ZZZ3: variants seen among roughly 807,000 people sequenced by gnomAD.
ZZZ3 encodes the protein ZZ-type zinc finger-containing protein 3.
ZZZ3 carries 22 observed loss-of-function variants against 95.2 expected under a neutral mutation model. That is an observed-to-expected ratio of 0.23 (90% confidence interval 0.17 to 0.33). The LOEUF (loss-of-function observed/expected upper bound fraction) is 0.33, where lower values mean the gene tolerates loss of function less well. Among genes scored for constraint, ZZZ3 ranks in the 10% least tolerant of loss-of-function variants. The pLI, the probability that ZZZ3 is intolerant of heterozygous loss-of-function variation, is 1.00. For missense variants in ZZZ3, 885 were observed against 1,066.5 expected (o/e 0.83, Z 2.37); for synonymous variants, 335 against 358.9 (o/e 0.93, Z 0.75).
chr1:77,641,950 A>G (rs1175712995), intron 1 of ZZZ3, among the ~76,000 whole-genome samples: 1 of 152,154 alleles, frequency 6.6e-6, no homozygotes. Context: ...TACCACCAAT[A>G]TAGACATATG....
chr1:77,630,833 T>C (rs544311382), intron 5 of ZZZ3, among the ~76,000 whole-genome samples: 3 of 152,334 alleles, frequency 2.0e-5, no homozygotes, highest in African/African-American at 7.2e-5. Context: ...GATTTGATAC[T>C]TTGATCTGAC....
In ZZZ3 at chr1:77,565,722, G is replaced by A; in HGVS notation, c.2630C>T (p.Thr877Ile). 6.2e-7 allele frequency: 1 copy of A among 1,613,644 alleles called. No homozygotes were observed. The highest frequency in any genetic ancestry group is 1.3e-5 in the African/African-American group (1 of 75,020). ...CACACAGTAGTCTCTGTCTAAGAATGTCTCTGACCTATAAATAGGTTCTAA... is the reference window on the plus strand; with the variant it reads ...CACACAGTAGTCTCTGTCTAAGAATATCTCTGACCTATAAATAGGTTCTAA... ...HQLEPIYRSE[T>I]FLDRDYCVSQ... Residue 877 changes from threonine to isoleucine, a missense_variant, in exon 15 of 15, where the codon ACA becomes ATA. Thr to Ile is a moderately conservative substitution (Grantham distance 89). Around this residue, in one of 5 missense-constraint regions of ZZZ3, gnomAD observed 221 missense variants for 247.8 expected, o/e 0.89. Coordinates refer to ENST00000370801, the MANE Select transcript of ZZZ3 (RefSeq NM_015534.6).
intron 5 of ZZZ3, among the ~76,000 whole-genome samples, chr1:77,618,764 G>T (rs1666577729): frequency 6.6e-6 from 1 of 152,164 alleles, no homozygotes; most frequent in African/African-American, 2.4e-5. Context: ...ATAGCTTAAA[G>T]AAGTTATTTA....
chr1:77,632,689 C>T lies in ZZZ3; in HGVS notation c.666G>A (p.Gly222=), dbSNP rs917599319. 6.2e-7 allele frequency: 1 copy of T among 1,614,022 alleles called. No homozygotes were observed. Among genetic ancestry groups the T allele is most frequent in the African/African-American group, 1.3e-5 (1 of 74,912 alleles). ...VINCDDCQPD[G]NTKQNSIGSY... ...AACCAATGCTATTTTGTTTAGTGTTCCCATCAGGCTGACAGTCATCACAGT... is the reference window on the plus strand; with the variant it reads ...AACCAATGCTATTTTGTTTAGTGTTTCCATCAGGCTGACAGTCATCACAGT... The change falls in exon 5 of 15, where the codon GGG becomes GGA. Residue 222 remains glycine (G), a synonymous_variant. Coordinates refer to ENST00000370801, the MANE Select transcript of ZZZ3 (RefSeq NM_015534.6).
chr1:77,605,488 G>A (rs968825554), intron 5 of ZZZ3, among the ~76,000 whole-genome samples: 4 of 152,134 alleles, frequency 2.6e-5, no homozygotes, highest in Non-Finnish European at 5.9e-5. Flanking sequence ...GACATGGGGG[G>A]CATGTGACCT....
chr1:77,651,700 C>T (rs1669822716), intron 1 of ZZZ3, among the ~76,000 whole-genome samples: 1 of 152,054 alleles, frequency 6.6e-6, no homozygotes, highest in African/African-American at 2.4e-5. Flanking sequence ...ATATTTAATG[C>T]CACTAAACTG....
intron 4 of ZZZ3, among the ~76,000 whole-genome samples, chr1:77,635,000 T>G (rs1668169065): frequency 6.6e-6 from 1 of 152,078 alleles, no homozygotes; most frequent in Non-Finnish European, 1.5e-5. Context: ...TCATCAACAG[T>G]CTCCCTTCTC....
chr1:77,568,328 T>TTAC lies in ZZZ3; in HGVS notation c.2466+1_2466+3dup. On this transcript the variant is annotated splice_donor_region_variant and intron_variant, in intron 13 of 14. Coordinates refer to ENST00000370801, the MANE Select transcript of ZZZ3 (RefSeq NM_015534.6). ...AATGAATCCTAAAATTAAATAGAAC[T>TTAC]TACCTTAAAGCCCACATGTTGCACA... The TTAC allele has an allele frequency of 1.9e-6, 3 of 1,574,092 alleles. No individual in the cohort carries two copies. The highest frequency in any genetic ancestry group is 2.6e-6 in the Non-Finnish European group (3 of 1,165,826).
rs193140998 is a variant in ZZZ3, at chr1:77,633,413, A to G, written c.-51-8T>C. ...ATCCACTCATTGGGAAACCTTCAAA[A>G]ATGTAAACAAAATAATGAGAAAAAG... On this transcript the variant is annotated splice_polypyrimidine_tract_variant and splice_region_variant and intron_variant, in intron 4 of 14. Transcript: ENST00000370801. The G allele has an allele frequency of 6.6e-7, 1 of 1,506,546 alleles. No individual in the cohort carries two copies. The highest frequency in any genetic ancestry group is 2.3e-5 in the Admixed American group (1 of 43,462). 93.3% of individuals were successfully genotyped at this position (1,506,546 alleles called of 1,614,324 possible).
At chr1:77,653,970 A>G (rs1670038094) in intron 1 of ZZZ3, among the ~76,000 whole-genome samples, 1 of 151,864 alleles carries the variant, frequency 6.6e-6, no homozygotes, top group African/African-American at 2.4e-5. Flanking sequence ...GGGTGGATCA[A>G]GAGGTCAGGA....
chr1:77,649,184 C>G (rs1669573002), intron 1 of ZZZ3, among the ~76,000 whole-genome samples: 1 of 152,028 alleles, frequency 6.6e-6, no homozygotes, highest in Non-Finnish European at 1.5e-5. Context: ...ATGAATAAAA[C>G]TACAGTAAGC....
intron 5 of ZZZ3, among the ~76,000 whole-genome samples, chr1:77,613,526 T>C (rs1400745627): frequency 6.6e-6 from 1 of 151,964 alleles, no homozygotes; most frequent in East Asian, 1.9e-4. Flanking sequence ...AAAGAGTTTC[T>C]TGGTATATGT....
In ZZZ3 at chr1:77,639,515, A is replaced by G. The variant is rs1460486980; in HGVS notation, c.-118T>C. The G allele has an allele frequency of 1.2e-5, 18 of 1,456,420 alleles. No homozygotes were observed. Among genetic ancestry groups the G allele is most frequent in the Non-Finnish European group, 9.1e-7 (1 of 1,094,200 alleles). The allele number at this position is 1,456,420 out of a possible 1,614,324, so 90.2% of individuals were successfully genotyped here. A position where few individuals can be genotyped will look rare whatever the true frequency, so the allele number is the denominator to read the frequency against. On this transcript the variant is annotated 5_prime_UTR_variant, in exon 4 of 15. Coordinates refer to ENST00000370801, the MANE Select transcript of ZZZ3 (RefSeq NM_015534.6). Reference sequence around the variant, plus strand: ...TTTCCTTATATCCTGAAGGAGTTGGAGCTATGATCTAGAATGGAGCTTAAG... The same window carrying G: ...TTTCCTTATATCCTGAAGGAGTTGGGGCTATGATCTAGAATGGAGCTTAAG...
intron 9 of ZZZ3, chr1:77,579,971 A>C (rs1327966919): frequency 6.4e-6 from 1 of 156,340 alleles, no homozygotes; most frequent in Non-Finnish European, 1.4e-5. Flanking sequence ...CTGAAATCCA[A>C]GAAAAGATGG....
intron 5 of ZZZ3, among the ~76,000 whole-genome samples, chr1:77,611,300 A>T (rs961338850): frequency 6.6e-6 from 1 of 151,488 alleles, no homozygotes. Flanking sequence ...ACTTTAACCA[A>T]GAAGGTAAAA....
chr1:77,567,335 G>A (rs921919959), intron 13 of ZZZ3, among the ~76,000 whole-genome samples: 1 of 152,106 alleles, frequency 6.6e-6, no homozygotes, highest in African/African-American at 2.4e-5. Context: ...CTTGACTCTA[G>A]TCTTGCCTTC....
intron 5 of ZZZ3, among the ~76,000 whole-genome samples, chr1:77,624,420 T>G (rs1667154334): frequency 6.6e-6 from 1 of 152,284 alleles, no homozygotes; most frequent in African/African-American, 2.4e-5. Flanking sequence ...CTGGGGAGGT[T>G]AGAAGAGCTG....
At chr1:77,669,232 TCATGGA>T (rs1671521343) in intron 1 of ZZZ3, among the ~76,000 whole-genome samples, 1 of 152,174 alleles carries the variant, frequency 6.6e-6, no homozygotes, top group Non-Finnish European at 1.5e-5. Context: ...GTCAGTATCA[TCATGGA>T]ACTATAGATA....
intron 5 of ZZZ3, among the ~76,000 whole-genome samples, chr1:77,611,700 C>A (rs527505995): frequency 1.5e-4 from 23 of 152,106 alleles, no homozygotes; most frequent in African/African-American, 5.3e-4. Flanking sequence ...GTCAATTGGT[C>A]TTTGACAAAG....
Sources: allele counts gnomAD v4.1 joint callset (sites outside exome capture counted in the v4.1 genomes callset), GRCh38; gene constraint gnomAD v4.1.1; regional missense constraint gnomAD v4.1.1; transcripts MANE v1.5; gene names NCBI Gene and HGNC (gene_info 2026-07-23, HGNC 2026-07-21).